NRG1: variants seen among roughly 807,000 people sequenced by gnomAD.
NRG1 encodes the protein pro-neuregulin-1, membrane-bound isoform.
A neutral mutation model predicts 63.8 loss-of-function variants in NRG1; 18 were observed. That is an observed-to-expected ratio of 0.28 (90% confidence interval 0.19 to 0.42). The LOEUF (loss-of-function observed/expected upper bound fraction) is 0.42, where lower values mean the gene tolerates loss of function less well. NRG1 is among the 10% of genes least tolerant of loss of function. NRG1 has a pLI of 1.00. For synonymous variants in NRG1, 302 were observed against 301.3 expected, an observed-to-expected ratio of 1.00 and a Z score of -0.02; for missense variants, 762 against 814.7, an observed-to-expected ratio of 0.94 and a Z score of 0.79.
chr8:32,525,260 C>T (rs763468570), intron 1 of NRG1, among the ~76,000 whole-genome samples: 2 of 152,188 alleles, frequency 1.3e-5, no homozygotes, highest in Non-Finnish European at 2.9e-5. Flanking sequence ...ATGGAGGCTG[C>T]AGAGGCCAGA....
intron 1 of NRG1, among the ~76,000 whole-genome samples, chr8:31,969,583 T>C (rs1459141402): frequency 6.6e-6 from 1 of 152,204 alleles, no homozygotes; most frequent in Non-Finnish European, 1.5e-5. Context: ...CTGATCACTG[T>C]AGAGAAAGCA....
At chr8:31,819,963 C>G (rs1823847849) in intron 1 of NRG1, among the ~76,000 whole-genome samples, 1 of 152,190 alleles carries the variant, frequency 6.6e-6, no homozygotes, top group Non-Finnish European at 1.5e-5. Flanking sequence ...TTACATTCCT[C>G]TAATTCAGGT....
In NRG1 at chr8:31,882,530, A is replaced by T. The variant is rs1830432002; in HGVS notation, c.37+243099A>T. 2.6e-5 allele frequency among the ~76,000 whole-genome samples: 4 copies of T among 151,942 alleles called. No individual in the cohort carries two copies. In the South Asian group the frequency reaches 8.3e-4, roughly 32 times the overall value. On this transcript the variant is annotated intron_variant, in intron 1 of 10. Coordinates refer to the NRG1 transcript ENST00000519301. ...CTAAGTCTTGTTATTGAAGAAACAC[A>T]TTTTTTAAGGTGATAGCTGCCATAG...
chr8:32,160,379 A>T (rs1004757617), intron 1 of NRG1, among the ~76,000 whole-genome samples: 14 of 152,234 alleles, frequency 9.2e-5, no homozygotes, highest in Non-Finnish European at 1.8e-4. Context: ...ATTCTTATTT[A>T]TGCTCACACC....
chr8:32,226,607 G>A (rs554319288), intron 1 of NRG1, among the ~76,000 whole-genome samples: 64 of 151,992 alleles, frequency 4.2e-4, no homozygotes, highest in Non-Finnish European at 7.6e-4. Context: ...TAAAGATAAC[G>A]TTTGGAAAGT....
chr8:32,343,590 C>T (rs191779418), intron 1 of NRG1, among the ~76,000 whole-genome samples: 128 of 152,304 alleles, frequency 8.4e-4, no homozygotes, highest in African/African-American at 3.0e-3. Flanking sequence ...GAGCCATAAC[C>T]TTGCTGGCTT....
intron 1 of NRG1, among the ~76,000 whole-genome samples, chr8:31,921,283 T>A (rs1420160363): frequency 6.6e-6 from 1 of 152,182 alleles, no homozygotes; most frequent in East Asian, 1.9e-4. Flanking sequence ...TTATAATGTC[T>A]GTCAGCCTGG....
At chr8:32,511,918 G>C (rs1411374794) in intron 1 of NRG1, among the ~76,000 whole-genome samples, 2 of 152,176 alleles carry the variant, frequency 1.3e-5, no homozygotes, top group Non-Finnish European at 2.9e-5. Context: ...GAAATGGGCA[G>C]AGCCAGGACC....
chr8:31,866,131 C>T lies in NRG1; in HGVS notation c.37+226700C>T, dbSNP rs557081287. ...CTCAGGCTCTTTTGGGATTACCCAA[C>T]CACCATTGTAGGCAACTCTAGTTCT... On this transcript the variant is annotated intron_variant, in intron 1 of 10. Coordinates refer to the NRG1 transcript ENST00000519301. Among the ~76,000 whole-genome samples, 8 of 152,302 alleles carry T rather than the reference C, an allele frequency of 5.3e-5. No individual in the cohort carries two copies. In the South Asian group the frequency reaches 1.7e-3, roughly 32 times the overall value.
chr8:31,931,512 T>A (rs1483219470), intron 1 of NRG1, among the ~76,000 whole-genome samples: 5 of 152,188 alleles, frequency 3.3e-5, no homozygotes, highest in African/African-American at 1.2e-4. Context: ...CAACTAAGAA[T>A]AAGTACCTTA....
At chr8:32,433,879 A>G (rs1818468209) in intron 1 of NRG1, among the ~76,000 whole-genome samples, 1 of 152,146 alleles carries the variant, frequency 6.6e-6, no homozygotes, top group Admixed American at 6.5e-5. Context: ...ATGCATGATA[A>G]CTGGGCAGTT....
At chr8:32,051,374 A>G (rs1210095033) in intron 1 of NRG1, among the ~76,000 whole-genome samples, 3 of 152,178 alleles carry the variant, frequency 2.0e-5, no homozygotes, top group Admixed American at 6.6e-5. Context: ...TATGGGGCAC[A>G]TGTGAGATTT....
At chr8:32,719,070 T>G (rs2128998661) in intron 5 of NRG1, among the ~76,000 whole-genome samples, 1 of 152,238 alleles carries the variant, frequency 6.6e-6, no homozygotes, top group South Asian at 2.1e-4. Flanking sequence ...TCAATATCCT[T>G]TACTTGTGTT....
intron 1 of NRG1, among the ~76,000 whole-genome samples, chr8:31,978,662 C>G (rs1808586035): frequency 6.6e-6 from 1 of 151,976 alleles, no homozygotes; most frequent in Non-Finnish European, 1.5e-5. Context: ...ATATTTCCCT[C>G]AATCTAAAAA....
chr8:32,761,096 G>A (rs1263244142), intron 11 of NRG1: 1 of 507,008 alleles, frequency 2.0e-6, no homozygotes, highest in Non-Finnish European at 2.5e-6. Context: ...GTTGGGTTGG[G>A]GGAGTTATAG....
At chr8:31,716,052 G>A (rs770295806) in intron 1 of NRG1, among the ~76,000 whole-genome samples, 8 of 152,042 alleles carry the variant, frequency 5.3e-5, no homozygotes, top group Non-Finnish European at 1.2e-4. Flanking sequence ...GAATGAAATC[G>A]ACATGAATAA....
chr8:31,697,318 A>G (rs989059377), intron 1 of NRG1, among the ~76,000 whole-genome samples: 2 of 152,218 alleles, frequency 1.3e-5, no homozygotes, highest in Non-Finnish European at 2.9e-5. Flanking sequence ...TTTCTCAAAG[A>G]AAACATCTGT....
chr8:32,368,026 C>T (rs1019081289), intron 1 of NRG1, among the ~76,000 whole-genome samples: 1 of 152,142 alleles, frequency 6.6e-6, no homozygotes, highest in African/African-American at 2.4e-5. Context: ...TTCCATTGGT[C>T]TATACGTCTG....
At chr8:31,764,106 A>G (rs1188375047) in intron 1 of NRG1, among the ~76,000 whole-genome samples, 1 of 151,366 alleles carries the variant, frequency 6.6e-6, no homozygotes, top group Non-Finnish European at 1.5e-5. Context: ...TGTACATGTT[A>G]TTTTCTTTTC....
Sources: allele counts gnomAD v4.1 joint callset (sites outside exome capture counted in the v4.1 genomes callset), GRCh38; gene constraint gnomAD v4.1.1; transcripts MANE v1.5; gene names NCBI Gene and HGNC (gene_info 2026-07-23, HGNC 2026-07-21).